The following PDE4D variants were observed in gnomAD, a reference collection of about 807,000 sequenced individuals.
PDE4D encodes the protein phosphodiesterase 4D.
A neutral mutation model predicts 87.4 loss-of-function variants in PDE4D; 24 were observed. The ratio of observed to expected loss-of-function variants is 0.27; its 90% CI spans 0.20 to 0.39. The LOEUF (loss-of-function observed/expected upper bound fraction) is 0.39. Among genes scored for constraint, PDE4D ranks in the 10% least tolerant of loss-of-function variants. The pLI is 1.00. For synonymous variants in PDE4D, 384 were observed against 383.2 expected, an observed-to-expected ratio of 1.00 and a Z score of -0.02; for missense variants, 714 against 1,041.0, an observed-to-expected ratio of 0.69 and a Z score of 4.32.
intron 1 of PDE4D, among the ~76,000 whole-genome samples, chr5:59,710,213 A>C (rs1000450519): frequency 9.2e-5 from 14 of 152,190 alleles, no homozygotes; most frequent in African/African-American, 9.6e-5. Context: ...TTTATGAAGA[A>C]GTCAATTTTT....
chr5:60,502,981 C>T (rs991139244), intron 1 of PDE4D, among the ~76,000 whole-genome samples: 10 of 152,024 alleles, frequency 6.6e-5, no homozygotes, highest in East Asian at 3.9e-4. Flanking sequence ...ATTTTTAGAA[C>T]CTTACAACAA....
chr5:59,204,132 T>C (rs1234358676), intron 2 of PDE4D, among the ~76,000 whole-genome samples: 1 of 152,036 alleles, frequency 6.6e-6, no homozygotes, highest in African/African-American at 2.4e-5. Context: ...GCATATAATT[T>C]GTTATTTGTT....
intron 1 of PDE4D, among the ~76,000 whole-genome samples, chr5:60,408,261 T>C (rs555760747): frequency 1.3e-5 from 2 of 152,350 alleles, no homozygotes; most frequent in East Asian, 3.9e-4. Context: ...TGTTCTCAGC[T>C]GCTAAGTTCT....
intron 2 of PDE4D, among the ~76,000 whole-genome samples, chr5:60,003,684 G>A (rs1053414410): frequency 6.7e-6 from 1 of 148,344 alleles, no homozygotes; most frequent in African/African-American, 2.5e-5. Flanking sequence ...ACTCCAGCCT[G>A]GGCAACAGAG....
chr5:58,994,110 TA>T (rs1291881096), intron 6 of PDE4D, among the ~76,000 whole-genome samples: 2 of 152,196 alleles, frequency 1.3e-5, no homozygotes, highest in African/African-American at 4.8e-5. Context: ...TGTTTCCTTT[TA>T]AAAGTTGTTT....
chr5:59,301,717 A>G (rs1036711132), intron 1 of PDE4D, among the ~76,000 whole-genome samples: 3 of 151,980 alleles, frequency 2.0e-5, no homozygotes, highest in African/African-American at 7.3e-5. Flanking sequence ...AACCACTGAG[A>G]AGGTTTAAAA....
intron 5 of PDE4D, among the ~76,000 whole-genome samples, chr5:59,072,179 G>T (rs1764957605): frequency 6.6e-6 from 1 of 152,124 alleles, no homozygotes; most frequent in Non-Finnish European, 1.5e-5. Context: ...CAACTGAACA[G>T]TTTCATTCAG....
chr5:59,027,655 G>C (rs892449023), intron 6 of PDE4D, among the ~76,000 whole-genome samples: 1 of 152,000 alleles, frequency 6.6e-6, no homozygotes, highest in African/African-American at 2.4e-5. Context: ...CTTTCAGTTT[G>C]CTCTTGCAAC....
At chr5:59,062,864 A>G (rs1017448666) in intron 5 of PDE4D, among the ~76,000 whole-genome samples, 2 of 151,912 alleles carry the variant, frequency 1.3e-5, no homozygotes, top group African/African-American at 2.4e-5. Context: ...CTATAACACT[A>G]CATACATACA....
chr5:59,695,102 A>G (rs2150421630), intron 1 of PDE4D, among the ~76,000 whole-genome samples: 1 of 152,058 alleles, frequency 6.6e-6, no homozygotes, highest in South Asian at 2.1e-4. Flanking sequence ...ACCTTTTAGG[A>G]TCTTTTCTTT....
At chr5:59,908,936 C>T (rs1215513076) in intron 3 of PDE4D, among the ~76,000 whole-genome samples, 1 of 152,126 alleles carries the variant, frequency 6.6e-6, no homozygotes, top group Non-Finnish European at 1.5e-5. Context: ...TTCCCATACC[C>T]ATCATTTGAT....
chr5:60,315,247 C>A (rs937385754), intron 1 of PDE4D, among the ~76,000 whole-genome samples: 9 of 152,206 alleles, frequency 5.9e-5, no homozygotes, highest in African/African-American at 1.9e-4. Flanking sequence ...TGATGATGAG[C>A]ATTTTTTCAT....
chr5:59,930,163 CAA>C (rs35465849), intron 3 of PDE4D, among the ~76,000 whole-genome samples: 29,483 of 82,238 alleles, frequency 0.36, 3,087 homozygotes, highest in East Asian at 0.61. Flanking sequence ...ACTCCGTCTC[CAA>C]AAAAAAAAAA....
At chr5:59,838,867 CTTTTTA>C (rs1419980991) in intron 1 of PDE4D, among the ~76,000 whole-genome samples, 1 of 151,966 alleles carries the variant, frequency 6.6e-6, no homozygotes, top group African/African-American at 2.4e-5. Context: ...GATGTCTATT[CTTTTTA>C]TTATTATTAT....
intron 5 of PDE4D, among the ~76,000 whole-genome samples, chr5:59,070,511 G>T (rs749488469): frequency 6.6e-6 from 1 of 152,006 alleles, no homozygotes; most frequent in Non-Finnish European, 1.5e-5. Context: ...ACTTCATAGC[G>T]GAAGATAAGG....
chr5:60,314,142 G>A (rs1401963191), intron 1 of PDE4D, among the ~76,000 whole-genome samples: 1 of 151,704 alleles, frequency 6.6e-6, no homozygotes, highest in Non-Finnish European at 1.5e-5. Flanking sequence ...AACAGAGGAA[G>A]TCAAACTATC....
Position 59,050,091 on chromosome 5 carries a change from C to G in PDE4D, c.809-11120G>C, listed in dbSNP as rs529955577. Among the ~76,000 whole-genome samples, 5 of 152,226 alleles carry G rather than the reference C, an allele frequency of 3.3e-5. No homozygotes were observed. The South Asian group carries it at 1.0e-3, about 32-fold the overall frequency. On this transcript the variant is annotated intron_variant, in intron 5 of 14. Coordinates refer to ENST00000340635, the MANE Select transcript of PDE4D (RefSeq NM_001104631.2). Reference sequence around the variant, plus strand: ...CCAGCCTGGCCAACATGATGAACCCCATCTCTACTAAAGAAAATACAAAAC... The same window carrying G: ...CCAGCCTGGCCAACATGATGAACCCGATCTCTACTAAAGAAAATACAAAAC...
At chr5:60,277,455 A>G (rs1472444361) in intron 1 of PDE4D, among the ~76,000 whole-genome samples, 2 of 152,164 alleles carry the variant, frequency 1.3e-5, no homozygotes, top group Non-Finnish European at 2.9e-5. Flanking sequence ...CTTTACACCA[A>G]TAATGATCTA....
At chr5:60,135,827 C>T (rs1340148889) in intron 2 of PDE4D, among the ~76,000 whole-genome samples, 1 of 152,180 alleles carries the variant, frequency 6.6e-6, no homozygotes, top group Non-Finnish European at 1.5e-5. Flanking sequence ...TCTTGGACAG[C>T]TGCAATGCAT....
Sources: allele counts gnomAD v4.1 joint callset (sites outside exome capture counted in the v4.1 genomes callset), GRCh38; gene constraint gnomAD v4.1.1; transcripts MANE v1.5; gene names NCBI Gene and HGNC (gene_info 2026-07-23, HGNC 2026-07-21).